IL1RAPL2: variants seen among roughly 807,000 people sequenced by gnomAD.
The protein encoded by IL1RAPL2 is X-linked interleukin-1 receptor accessory protein-like 2.
IL1RAPL2 carries 3 observed loss-of-function variants against 44.1 expected under a neutral mutation model. That is an observed-to-expected ratio of 0.07 (90% CI 0.03 to 0.18). The LOEUF is 0.18. Among genes scored for constraint, IL1RAPL2 ranks in the 10% least tolerant of loss-of-function variants. The probability of loss-of-function intolerance (pLI) is 1.00; values close to 1 mark genes in which losing one functional copy is unlikely to be tolerated. For synonymous variants in IL1RAPL2, 181 were observed against 178.8 expected (o/e 1.01, Z -0.10); for missense variants, 391 against 496.4 (o/e 0.79, Z 2.02).
chrX:105,096,232 T>TG (rs888145526), intron 2 of IL1RAPL2, among the ~76,000 whole-genome samples: 21 of 111,807 alleles, frequency 1.9e-4, no homozygotes, highest in Admixed American at 4.8e-4. Context: ...GCATTGCTGA[T>TG]GGGAGGTAAA....
At chrX:104,630,150 A>ATTTTT (rs3056013) in intron 1 of IL1RAPL2, among the ~76,000 whole-genome samples, 5 of 88,532 alleles carry the variant, frequency 5.6e-5, no homozygotes, top group African/African-American at 2.2e-4. Context: ...CACCTGGATA[A>ATTTTT]TTTTTTTTTT....
At chrX:105,110,967 A>G (rs1394673999) in intron 2 of IL1RAPL2, among the ~76,000 whole-genome samples, 1 of 112,068 alleles carries the variant, frequency 8.9e-6, no homozygotes, top group Non-Finnish European at 1.9e-5. Context: ...AAATAAAAAT[A>G]AAAATAAAAC....
At chrX:105,349,034 A>G (rs1293698562) in intron 5 of IL1RAPL2, among the ~76,000 whole-genome samples, 2 of 112,236 alleles carry the variant, frequency 1.8e-5, no homozygotes, top group African/African-American at 6.5e-5. Context: ...GGACAATTGG[A>G]CCAGTTTCAA....
chrX:105,496,941 C>T (rs189022721), intron 6 of IL1RAPL2, among the ~76,000 whole-genome samples: 5 of 111,699 alleles, frequency 4.5e-5, no homozygotes, highest in Admixed American at 3.8e-4. Context: ...TATAAAGTAG[C>T]TCTTAAACTT....
intron 2 of IL1RAPL2, among the ~76,000 whole-genome samples, chrX:104,764,541 T>C (rs1184124049): frequency 1.8e-5 from 2 of 112,077 alleles, no homozygotes; most frequent in African/African-American, 6.5e-5. Context: ...TTGGATGCCC[T>C]TTATATCTTC....
At chrX:105,590,472 C>T (rs1330662529) in intron 6 of IL1RAPL2, among the ~76,000 whole-genome samples, 1 of 110,916 alleles carries the variant, frequency 9.0e-6, no homozygotes, top group Non-Finnish European at 1.9e-5. Context: ...ATGATTCTAG[C>T]TTTTGCCCAT....
chrX:105,431,624 C>T (rs1424016157), intron 5 of IL1RAPL2, among the ~76,000 whole-genome samples: 2 of 111,096 alleles, frequency 1.8e-5, no homozygotes, highest in East Asian at 2.8e-4. Context: ...ACAAAACTTT[C>T]GACGGCTTTA....
chrX:105,610,215 T>G (rs926283241), intron 6 of IL1RAPL2, among the ~76,000 whole-genome samples: 4 of 112,050 alleles, frequency 3.6e-5, no homozygotes, highest in African/African-American at 9.7e-5. Context: ...TGGAAACCAT[T>G]TCAATAACAG....
intron 2 of IL1RAPL2, among the ~76,000 whole-genome samples, chrX:104,944,797 C>A (rs1419473903): frequency 9.0e-6 from 1 of 111,358 alleles, no homozygotes; most frequent in Non-Finnish European, 1.9e-5. Flanking sequence ...TATTCCTCTT[C>A]TGTATATATC....
intron 2 of IL1RAPL2, among the ~76,000 whole-genome samples, chrX:104,886,185 C>A (rs898967418): frequency 4.4e-5 from 5 of 112,914 alleles, no homozygotes; most frequent in Non-Finnish European, 7.5e-5. Context: ...GCTCTTTTCA[C>A]ATGCCTTTTT....
At chrX:104,631,205 A>G (rs1404578162) in intron 1 of IL1RAPL2, among the ~76,000 whole-genome samples, 1 of 111,979 alleles carries the variant, frequency 8.9e-6, no homozygotes, top group Non-Finnish European at 1.9e-5. Context: ...TCCATGGTGT[A>G]TATGTGCCAC....
chrX:104,876,054 TG>T (rs1479828765), intron 2 of IL1RAPL2, among the ~76,000 whole-genome samples: 3 of 111,268 alleles, frequency 2.7e-5, no homozygotes, highest in Non-Finnish European at 5.7e-5. Flanking sequence ...AATTCTTTAG[TG>T]GGTTGAATGA....
intron 2 of IL1RAPL2, among the ~76,000 whole-genome samples, chrX:105,015,250 A>G (rs764046558): frequency 9.1e-6 from 1 of 110,229 alleles, no homozygotes; most frequent in African/African-American, 3.3e-5. Flanking sequence ...ATTTTCTCCC[A>G]TTCTGTAGGT....
chrX:104,788,219 T>C (rs189580979), intron 2 of IL1RAPL2, among the ~76,000 whole-genome samples: 133 of 112,461 alleles, frequency 1.2e-3, no homozygotes, highest in Non-Finnish European at 2.2e-3. Context: ...ATTAGTCTGC[T>C]TAGCAGATCT....
At chrX:104,923,847 A>G (rs1924705966) in intron 2 of IL1RAPL2, among the ~76,000 whole-genome samples, 1 of 92,233 alleles carries the variant, frequency 1.1e-5, no homozygotes, top group Admixed American at 1.3e-4. Flanking sequence ...CAATTAAAAG[A>G]TATAGACGGG....
intron 2 of IL1RAPL2, among the ~76,000 whole-genome samples, chrX:105,173,921 T>TG (rs1404928934): frequency 9.1e-6 from 1 of 110,173 alleles, no homozygotes; most frequent in African/African-American, 3.3e-5. Context: ...TTAGTGGAGA[T>TG]GGGGTTTCAC....
At chrX:104,878,597 T>G (rs778278004) in intron 2 of IL1RAPL2, among the ~76,000 whole-genome samples, 2 of 112,011 alleles carry the variant, frequency 1.8e-5, no homozygotes, top group Non-Finnish European at 3.8e-5. Flanking sequence ...TATGTATATT[T>G]AGATGGCTAA....
intron 6 of IL1RAPL2, among the ~76,000 whole-genome samples, chrX:105,486,901 A>G (rs1045327416): frequency 3.7e-5 from 4 of 108,712 alleles, no homozygotes; most frequent in Non-Finnish European, 7.6e-5. Context: ...GACCATCCTG[A>G]TTAACACGGT....
Position 105,711,219 on chromosome X carries a change from A to G in IL1RAPL2, c.773-6148A>G, listed in dbSNP as rs210436. Among the ~76,000 whole-genome samples the G allele has an allele frequency of 7.0e-3, 767 of 109,926 alleles. 9 individuals carry two copies. The highest frequency in any genetic ancestry group is 0.069 in the South Asian group (172 of 2,500). ...GCTGTAACAGAATACAACAGAGTGG[A>G]CAATATAGAAAAAGATTTATTTGGC... On this transcript the variant is annotated intron_variant, in intron 6 of 10. Transcript: ENST00000372582.
Sources: gnomAD v4.1 joint callset for allele counts (sites outside exome capture counted in the v4.1 genomes callset) on GRCh38, gnomAD v4.1.1 for gene constraint, MANE v1.5 for transcripts, NCBI Gene and HGNC (gene_info 2026-07-23, HGNC 2026-07-21) for gene names.